Variants in P3H3 observed in about 807,000 individuals in gnomAD.
P3H3 encodes gene rich cluster, B.
A neutral mutation model predicts 78.1 loss-of-function variants in P3H3; 64 were observed. The observed-to-expected ratio is 0.82, with a 90% CI of 0.67 to 1.01. P3H3 has a LOEUF of 1.01. P3H3 is among the 50% of genes least tolerant of loss of function. The probability of loss-of-function intolerance (pLI) is 0.00; values close to 1 mark genes in which losing one functional copy is unlikely to be tolerated. For synonymous variants in P3H3, 425 were observed against 416.7 expected (o/e 1.02, Z -0.24); for missense variants, 975 against 982.2 (o/e 0.99, Z 0.10).
In P3H3 at chr12:6,839,548, A is replaced by T; in HGVS notation, c.*87A>T. 2.9e-5 allele frequency: 41 copies of T among 1,435,662 alleles called. No homozygotes were observed. Among genetic ancestry groups the T allele is most frequent in the Non-Finnish European group, 3.6e-5 (38 of 1,070,108 alleles). The allele number at this position is 1,435,662 out of a possible 1,614,324, so 88.9% of individuals were successfully genotyped here. A position where few individuals can be genotyped will look rare whatever the true frequency, so the allele number is the denominator to read the frequency against. ...AGGACACACAGGAAGCCCCTGTGTG[A>T]CATCAGGAGCAGAACAGCAAGCTCT... On this transcript the variant is annotated 3_prime_UTR_variant, in exon 15 of 15. Coordinates refer to ENST00000290510, the MANE Select transcript of P3H3 (RefSeq NM_014262.5).
Position 6,837,005 on chromosome 12 carries a change from C to T in P3H3, c.1479C>T (p.Ala493=). The T allele has an allele frequency of 6.2e-7, 1 of 1,611,126 alleles. No individual in the cohort carries two copies. Among genetic ancestry groups the T allele is most frequent in the South Asian group, 1.1e-5 (1 of 91,084 alleles). ...QLAKDAAGAG[A]RSGYRGRRSP... Reference sequence around the variant, plus strand: ...TTTAGGATGCAGCTGGGGCTGGAGCCAGGTCTGGCTATCGTGGTCGCCGCT... The same window carrying T: ...TTTAGGATGCAGCTGGGGCTGGAGCTAGGTCTGGCTATCGTGGTCGCCGCT... The change falls in exon 10 of 15, where the codon GCC becomes GCT. Residue 493 remains alanine (A), a synonymous_variant. Coordinates refer to ENST00000290510, the MANE Select transcript of P3H3 (RefSeq NM_014262.5).
intron 14 of P3H3, 53 bp from the exon 15 acceptor site, chr12:6,839,244 A>C (rs782191779): frequency 2.1e-5 from 33 of 1,563,760 alleles, no homozygotes; most frequent in Non-Finnish European, 2.9e-5. Context: ...GGCTGAGCTG[A>C]CCCAGGGAAG....
intron 6 of P3H3, among the ~76,000 whole-genome samples, chr12:6,832,409 G>A (rs1943458464): frequency 6.6e-6 from 1 of 151,980 alleles, no homozygotes; most frequent in African/African-American, 2.4e-5. Context: ...CAGAGGGCAG[G>A]GCCTGTCCTA....
chr12:6,837,044 C>G lies in P3H3; in HGVS notation c.1518C>G (p.Pro506=). 1 of 1,608,124 alleles carries G rather than the reference C, an allele frequency of 6.2e-7. No homozygotes were observed. The highest frequency in any genetic ancestry group is 8.5e-7 in the Non-Finnish European group (1 of 1,179,830). The change falls in exon 10 of 15, where the codon CCC becomes CCG. Residue 506 remains proline, a synonymous_variant. Transcript: ENST00000290510. ...GYRGRRSPHT[P]HERFEGLTVL... Reference sequence around the variant, plus strand: ...GTGGTCGCCGCTCCCCTCACACCCCCCATGAACGCTTCGAGGGGCTCACGG... The same window carrying G: ...GTGGTCGCCGCTCCCCTCACACCCCGCATGAACGCTTCGAGGGGCTCACGG...
At chr12:6,833,131 C>G (rs782427624) in intron 6 of P3H3, among the ~76,000 whole-genome samples, 1 of 152,070 alleles carries the variant, frequency 6.6e-6, no homozygotes, top group East Asian at 2.0e-4. Flanking sequence ...GCTGAGATCG[C>G]GCCATAGCAC....
intron 4 of P3H3, 161 bp downstream of exon 4, chr12:6,830,931 G>T (rs1555121328): frequency 9.2e-7 from 1 of 1,088,078 alleles, no homozygotes; most frequent in Admixed American, 1.9e-5. Context: ...GCCCTCCTTT[G>T]GCGCCTGTGA....
chr12:6,828,535 C>T lies in P3H3; in HGVS notation c.95C>T (p.Ala32Val). 1 of 1,283,072 alleles carries T rather than the reference C, an allele frequency of 7.8e-7. No individual in the cohort carries two copies. The highest frequency in any genetic ancestry group is 9.9e-7 in the Non-Finnish European group (1 of 1,013,866). The allele number at this position is 1,283,072 out of a possible 1,614,324, so 79.5% of individuals were successfully genotyped here. The change falls in exon 1 of 15, where the codon GCG (alanine) becomes GTG (valine). Residue 32 changes from alanine to valine, a missense_variant. By Grantham distance (64) the Ala-to-Val change is moderately conservative. Transcript: ENST00000290510. ...PPGLTQLSPG[A>V]PPQAPDLLYA... Reference sequence around the variant, plus strand: ...GGCCTGACCCAGCTGTCCCCGGGGGCGCCCCCGCAGGCCCCCGACTTGCTC... The same window carrying T: ...GGCCTGACCCAGCTGTCCCCGGGGGTGCCCCCGCAGGCCCCCGACTTGCTC...
Position 6,831,248 on chromosome 12 carries a change from C to A in P3H3, c.1018C>A (p.Leu340Met). Residue 340 changes from leucine to methionine, a missense_variant, in exon 5 of 15, where the codon CTG becomes ATG. Physicochemically the swap from Leu to Met is conservative, Grantham distance 15. Coordinates refer to ENST00000290510, the MANE Select transcript of P3H3 (RefSeq NM_014262.5). This position sits in a 1 kb window ranked among gnomAD's most constrained non-coding sequence, Gnocchi z 4.6. Reference protein sequence around the residue: ...GNLSQAIENVLSVLLFYPEDE... With the variant: ...GNLSQAIENVMSVLLFYPEDE... ...TCTGTCCCAGGCTATAGAAAATGTC[C>A]TGAGTGTCCTGCTCTTCTACCCGGA... is the stretch of plus-strand genomic sequence containing the variant. The A allele has an allele frequency of 6.2e-7, 1 of 1,613,896 alleles. No individual in the cohort carries two copies. The highest frequency in any genetic ancestry group is 8.5e-7 in the Non-Finnish European group (1 of 1,179,856).
rs1943404078 is a variant in P3H3, at chr12:6,828,440, C to T, written c.-1C>T. ...CCTCGGCTGCCGGCGGCTCCGACAT[C>T]ATGCTCCGGCTCCTCCGGCCGCTGC... On this transcript the variant is annotated 5_prime_UTR_variant, in exon 1 of 15. Transcript: ENST00000290510. The T allele has an allele frequency of 1.1e-5, 8 of 719,504 alleles. No homozygotes were observed. Among genetic ancestry groups the T allele is most frequent in the Non-Finnish European group, 1.7e-5 (8 of 477,450 alleles). The allele number at this position is 719,504 out of a possible 1,614,324, so 44.6% of individuals were successfully genotyped here. A position where few individuals can be genotyped will look rare whatever the true frequency, so the allele number is the denominator to read the frequency against.
In P3H3 at chr12:6,830,672, G is replaced by A. The variant is rs782038766; in HGVS notation, c.887G>A (p.Arg296His). 1.9e-5 allele frequency: 30 copies of A among 1,613,258 alleles called. No individual in the cohort carries two copies. The highest frequency in any genetic ancestry group is 8.0e-5 in the African/African-American group (6 of 74,896). ...HWIQVLQCRQRCVGETATRPG... is the reference protein window; with the variant it reads ...HWIQVLQCRQHCVGETATRPG... ...ATTCAGGTCCTGCAGTGCCGGCAAC[G>A]CTGTGTGGGGGAAACAGCCACACGC... The change falls in exon 4 of 15, where the codon CGC (arginine) becomes CAC (histidine). Residue 296 changes from arginine (R) to histidine (H), a missense_variant. Physicochemically the swap from Arg to His is conservative, Grantham distance 29 (BLOSUM62 0). Coordinates refer to ENST00000290510, the MANE Select transcript of P3H3 (RefSeq NM_014262.5).
chr12:6,837,822 C>T lies in P3H3; in HGVS notation c.1802C>T (p.Pro601Leu). The change falls in exon 12 of 15, where the codon CCC becomes CTC. Residue 601 changes from proline to leucine, a missense_variant. Transcript: ENST00000290510. ...GACACGGGAGAGTGCTGGCGGGAGC[C>T]CCCAGCCTACACCTATCGGGACTAC... is the stretch of plus-strand genomic sequence containing the variant. ...DPDTGECWRE[P>L]PAYTYRDYSG... 2 of 1,612,184 alleles carry T rather than the reference C, an allele frequency of 1.2e-6. No homozygotes were observed. The highest frequency in any genetic ancestry group is 1.7e-6 in the Non-Finnish European group (2 of 1,179,220).
chr12:6,828,433 C>A lies in P3H3; in HGVS notation c.-8C>A. On this transcript the variant is annotated 5_prime_UTR_variant, in exon 1 of 15. Transcript: ENST00000290510. ...CATTTCCCCTCGGCTGCCGGCGGCT[C>A]CGACATCATGCTCCGGCTCCTCCGG... The A allele has an allele frequency of 1.4e-6, 1 of 716,864 alleles. No homozygotes were observed. Among genetic ancestry groups the A allele is most frequent in the Non-Finnish European group, 2.2e-6 (1 of 455,730 alleles). 44.4% of individuals were successfully genotyped at this position (716,864 alleles called of 1,614,324 possible). A position where few individuals can be genotyped will look rare whatever the true frequency, so the allele number is the denominator to read the frequency against.
rs781946352 is a variant in P3H3 at position 6,833,960 on chromosome 12, G to T, written c.1369G>T (p.Asp457Tyr). Residue 457 changes from aspartate (D) to tyrosine (Y), a missense_variant, in exon 9 of 15, where the codon GAT (aspartate) becomes TAT (tyrosine). Physicochemically the swap from Asp to Tyr is radical, Grantham distance 160. Coordinates refer to ENST00000290510, the MANE Select transcript of P3H3 (RefSeq NM_014262.5). ...LLLEGVTLTQ[D>Y]SRQLNGSERA... Reference sequence around the variant, plus strand: ...CCTGGAGGGTGTGACCTTGACCCAGGATTCCAGGCAGCTGAATGGGTCGGA... The same window carrying T: ...CCTGGAGGGTGTGACCTTGACCCAGTATTCCAGGCAGCTGAATGGGTCGGA... 1.2e-6 allele frequency: 2 copies of T among 1,613,962 alleles called. No individual in the cohort carries two copies. Among genetic ancestry groups the T allele is most frequent in the Admixed American group, 3.3e-5 (2 of 60,032 alleles).
chr12:6,833,839 C>G, intron 8 of P3H3, 30 bp downstream of exon 8: 1 of 1,612,048 alleles, frequency 6.2e-7, no homozygotes, highest in Non-Finnish European at 8.5e-7. Context: ...AAGGCAGGAG[C>G]CTGGAGGGTC....
chr12:6,833,456 A>G lies in P3H3; in HGVS notation c.1213-136A>G, dbSNP rs892994975. The G allele has an allele frequency of 1.0e-5, 8 of 793,180 alleles. No homozygotes were observed. The South Asian group carries it at 1.0e-4, about 10-fold the overall frequency. 49.1% of individuals were successfully genotyped at this position (793,180 alleles called of 1,614,324 possible). ...TGATCCACTGCCCAGGGCTCCTGAC[A>G]TTGAGTCCCGGGCTTTTCCTACCTC... On this transcript the variant is annotated intron_variant, in intron 6 of 14. Coordinates refer to ENST00000290510, the MANE Select transcript of P3H3 (RefSeq NM_014262.5).
chr12:6,828,573 CTGCGCGCCTACGCGGCCGGGGCT>C lies in P3H3; in HGVS notation c.136_158del (p.Arg46GlyfsTer143). 1 of 1,229,794 alleles carries C rather than the reference CTGCGCGCCTACGCGGCCGGGGCT, an allele frequency of 8.1e-7. No individual in the cohort carries two copies. The highest frequency in any genetic ancestry group is 1.0e-6 in the Non-Finnish European group (1 of 986,366). 76.2% of individuals were successfully genotyped at this position (1,229,794 alleles called of 1,614,324 possible). On this transcript the variant is annotated frameshift_variant, in exon 1 of 15. Coordinates refer to ENST00000290510, the MANE Select transcript of P3H3 (RefSeq NM_014262.5). LOFTEE classifies it high-confidence loss of function. ...CCCCGACTTGCTCTACGCTGACGGG[CTGCGCGCCTACGCGGCCGGGGCT>C]TGGGCGCCGGCCGTGGCGCTGCTGC...
rs1200771757 is a variant in P3H3, at chr12:6,828,543, C to G, written c.103C>G (p.Gln35Glu). ...CCAGCTGTCCCCGGGGGCGCCCCCG[C>G]AGGCCCCCGACTTGCTCTACGCTGA... ...LTQLSPGAPP[Q>E]APDLLYADGL... Residue 35 changes from glutamine (Q) to glutamate (E), a missense_variant, in exon 1 of 15, where the codon CAG (glutamine) becomes GAG (glutamate). Transcript: ENST00000290510. The G allele has an allele frequency of 1.8e-3, 2,352 of 1,276,360 alleles. 7 individuals carry two copies. Among genetic ancestry groups the G allele is most frequent in the Non-Finnish European group, 2.2e-3 (2,249 of 1,010,606 alleles). 79.1% of individuals were successfully genotyped at this position (1,276,360 alleles called of 1,614,324 possible). A position where few individuals can be genotyped will look rare whatever the true frequency, so the allele number is the denominator to read the frequency against.
chr12:6,839,040 G>A lies in P3H3; in HGVS notation c.1946G>A (p.Ser649Asn), dbSNP rs782511931. 5.0e-6 allele frequency: 8 copies of A among 1,611,592 alleles called. No homozygotes were observed. The African/African-American group carries it at 6.7e-5, about 13-fold the overall frequency. The change falls in exon 14 of 15, where the codon AGC becomes AAC. Residue 649 changes from serine (S) to asparagine (N), a missense_variant. Physicochemically the swap from Ser to Asn is conservative, Grantham distance 46 (BLOSUM62 1). Transcript: ENST00000290510. ...RPRCGRLVAFSSGVENPHGVW... is the reference protein window; with the variant it reads ...RPRCGRLVAFNSGVENPHGVW... ...CGCTGTGGGCGCCTTGTGGCCTTCAGCTCCGGTGTCGAGAATCCCCATGGG... is the reference window on the plus strand; with the variant it reads ...CGCTGTGGGCGCCTTGTGGCCTTCAACTCCGGTGTCGAGAATCCCCATGGG...
At chr12:6,837,276 AG>A (rs1555122298) in intron 10 of P3H3, 146 bp from the exon 11 acceptor site, 1 of 1,172,940 alleles carries the variant, frequency 8.5e-7, no homozygotes, top group Non-Finnish European at 1.2e-6. Flanking sequence ...TGGAGAGAGA[AG>A]GAGCAGTTTG....
Sources: allele counts gnomAD v4.1 joint callset (sites outside exome capture counted in the v4.1 genomes callset), GRCh38; gene constraint gnomAD v4.1.1; non-coding constraint Gnocchi (gnomAD v3.1); transcripts MANE v1.5; gene names NCBI Gene and HGNC (gene_info 2026-07-23, HGNC 2026-07-21).